Variants in PAQR5 observed in about 807,000 individuals in gnomAD.
PAQR5 encodes the protein progestin and adipoQ receptor family member 5.
A neutral mutation model predicts 34.5 loss-of-function variants in PAQR5; 20 were observed. The observed-to-expected ratio is 0.58, with a 90% CI of 0.41 to 0.84. PAQR5 has a LOEUF of 0.84. Among genes scored for constraint, PAQR5 ranks in the 40% least tolerant of loss-of-function variants. PAQR5 has a pLI of 0.00. For missense variants in PAQR5, 378 were observed against 412.7 expected (o/e 0.92, Z 0.73); for synonymous variants, 131 against 155.6 (o/e 0.84, Z 1.18).
intron 1 of PAQR5, among the ~76,000 whole-genome samples, chr15:69,301,858 G>C (rs997403447): frequency 1.3e-5 from 1 of 77,568 alleles, no homozygotes; most frequent in African/African-American, 4.6e-5. Flanking sequence ...AATGGGGGGA[G>C]ATTTTTTTTT....
chr15:69,312,794 C>T (rs998575542), intron 1 of PAQR5, among the ~76,000 whole-genome samples: 5 of 152,090 alleles, frequency 3.3e-5, no homozygotes, highest in Non-Finnish European at 7.4e-5. Flanking sequence ...GATGGCATTG[C>T]AGTACTGAAG....
intron 3 of PAQR5, among the ~76,000 whole-genome samples, chr15:69,368,384 A>G (rs7170283): frequency 0.95 from 144,333 of 152,330 alleles, 68,880 homozygotes; most frequent in South Asian, 1. Flanking sequence ...AGTAACATTA[A>G]CTGGAAATAG....
chr15:69,300,617 CT>C (rs1301613389), intron 1 of PAQR5, among the ~76,000 whole-genome samples: 2 of 52,564 alleles, frequency 3.8e-5, no homozygotes, highest in African/African-American at 6.3e-5. Context: ...TTCTTTCTTT[CT>C]TTCTTTCTTT....
At position 69,406,499 on chromosome 15, in the gene PAQR5, A is replaced by G. The variant is rs2056751833; in HGVS notation, c.*2677A>G. ...ATTGTTCGCAGTCAGTTATAGATCAAGCTCCTTGTTCTACTCTTCCCCTCT... is the reference window on the plus strand; with the variant it reads ...ATTGTTCGCAGTCAGTTATAGATCAGGCTCCTTGTTCTACTCTTCCCCTCT... On this transcript the variant is annotated 3_prime_UTR_variant, in exon 9 of 9. Coordinates refer to ENST00000395407, the MANE Select transcript of PAQR5 (RefSeq NM_017705.4). The G allele has an allele frequency of 6.6e-6, 1 of 152,246 alleles. No homozygotes were observed. Among genetic ancestry groups the G allele is most frequent in the Non-Finnish European group, 1.5e-5 (1 of 68,050 alleles). 9.4% of individuals were successfully genotyped at this position (152,246 alleles called of 1,614,324 possible). A position where few individuals can be genotyped will look rare whatever the true frequency, so the allele number is the denominator to read the frequency against.
At chr15:69,306,228 G>A (rs1191439799) in intron 1 of PAQR5, among the ~76,000 whole-genome samples, 1 of 152,114 alleles carries the variant, frequency 6.6e-6, no homozygotes, top group Non-Finnish European at 1.5e-5. Context: ...ACATGTGCTT[G>A]GGGAGGTGGA....
intron 7 of PAQR5, among the ~76,000 whole-genome samples, chr15:69,398,353 G>A (rs765567997): frequency 2.0e-4 from 31 of 152,060 alleles, no homozygotes; most frequent in Non-Finnish European, 3.8e-4. Context: ...TCAAATTCTG[G>A]CCCCACTGCT....
intron 1 of PAQR5, among the ~76,000 whole-genome samples, chr15:69,311,251 C>T (rs1338700119): frequency 6.6e-6 from 1 of 151,712 alleles, no homozygotes; most frequent in African/African-American, 2.4e-5. Flanking sequence ...AATTGGATGG[C>T]TACACGTTGA....
intron 2 of PAQR5, among the ~76,000 whole-genome samples, chr15:69,341,075 A>G (rs528232322): frequency 6.6e-6 from 1 of 152,338 alleles, no homozygotes; most frequent in Admixed American, 6.5e-5. Flanking sequence ...TATTGAGTAC[A>G]TTCACATTGC....
chr15:69,349,472 G>C (rs948108744), intron 2 of PAQR5, among the ~76,000 whole-genome samples: 3 of 152,076 alleles, frequency 2.0e-5, no homozygotes, highest in African/African-American at 7.2e-5. Flanking sequence ...AGTTGGATCA[G>C]GCCGAATTTA....
chr15:69,359,116 A>G (rs891236848), intron 2 of PAQR5, among the ~76,000 whole-genome samples: 2 of 152,118 alleles, frequency 1.3e-5, no homozygotes, highest in African/African-American at 4.8e-5. Context: ...GTGTCTTCAC[A>G]TGGTGGAAGG....
At chr15:69,403,547 T>C in intron 8 of PAQR5, 34 bp from the exon 9 acceptor site, 7 of 1,610,426 alleles carry the variant, frequency 4.3e-6, no homozygotes, top group Non-Finnish European at 5.9e-6. Flanking sequence ...TCCTTTTCAT[T>C]GCTGATCTTG....
At chr15:69,306,684 T>A (rs2053724505) in intron 1 of PAQR5, among the ~76,000 whole-genome samples, 2 of 152,180 alleles carry the variant, frequency 1.3e-5, no homozygotes, top group South Asian at 4.1e-4. Context: ...ATTACAGGTG[T>A]GAGCCACCGC....
At chr15:69,382,221 A>G (rs1006651361) in intron 4 of PAQR5, among the ~76,000 whole-genome samples, 3 of 152,160 alleles carry the variant, frequency 2.0e-5, no homozygotes, top group Admixed American at 6.5e-5. Context: ...GACAAACTAC[A>G]TGGAGGAAGG....
chr15:69,307,960 G>A lies in PAQR5; in HGVS notation c.-277+8904G>A, dbSNP rs150381297. On this transcript the variant is annotated intron_variant, in intron 1 of 8. Transcript: ENST00000395407. ...ATGAGGAGTGGATAAACTTGGGCCT[G>A]GTGGCTTTAAGGGGCCCACAGAACC... Among the ~76,000 whole-genome samples, 4 of 152,322 alleles carry A rather than the reference G, an allele frequency of 2.6e-5. No individual in the cohort carries two copies. The East Asian group carries it at 7.7e-4, about 29-fold the overall frequency.
chr15:69,308,223 C>T (rs1420649429), intron 1 of PAQR5, among the ~76,000 whole-genome samples: 5 of 152,198 alleles, frequency 3.3e-5, no homozygotes, highest in Admixed American at 3.3e-4. Flanking sequence ...AAGCTCGAGG[C>T]TGCATGCTTG....
At chr15:69,395,152 CGCGGCAGG>C (rs2056382567) in intron 6 of PAQR5, among the ~76,000 whole-genome samples, 1 of 152,104 alleles carries the variant, frequency 6.6e-6, no homozygotes, top group South Asian at 2.1e-4. Flanking sequence ...GGCGGCCTGC[CGCGGCAGG>C]GCAGGGTCTG....
At chr15:69,378,252 G>A (rs557322497) in intron 3 of PAQR5, among the ~76,000 whole-genome samples, 1 of 103,388 alleles carries the variant, frequency 9.7e-6, no homozygotes, top group South Asian at 3.3e-4. Flanking sequence ...GCAACAAAAT[G>A]AGACTCCATC....
intron 2 of PAQR5, among the ~76,000 whole-genome samples, chr15:69,345,268 G>A (rs952891505): frequency 2.0e-5 from 3 of 152,194 alleles, no homozygotes; most frequent in Admixed American, 2.0e-4. Context: ...AATTAATGCT[G>A]TGAAGAGACT....
At chr15:69,332,372 T>C (rs1026768603) in intron 1 of PAQR5, among the ~76,000 whole-genome samples, 1 of 152,192 alleles carries the variant, frequency 6.6e-6, no homozygotes, top group African/African-American at 2.4e-5. Context: ...TTGCTTTGTG[T>C]CCTTAAGAGC....
Sources: gnomAD v4.1 joint callset for allele counts (sites outside exome capture counted in the v4.1 genomes callset) on GRCh38, gnomAD v4.1.1 for gene constraint, MANE v1.5 for transcripts, NCBI Gene and HGNC (gene_info 2026-07-23, HGNC 2026-07-21) for gene names.